TAFA4: variants seen among roughly 807,000 people sequenced by gnomAD.
TAFA4 encodes the protein chemokine-like protein TAFA-4.
A neutral mutation model predicts 21.1 loss-of-function variants in TAFA4; 20 were observed. The ratio of observed to expected loss-of-function variants is 0.95; its 90% CI spans 0.67 to 1.38. The LOEUF is 1.38. Ranked by LOEUF, TAFA4 falls within the 40% of genes most tolerant of loss-of-function variation. The pLI, the probability that TAFA4 is intolerant of heterozygous loss-of-function variation, is 0.00. For missense variants in TAFA4, 211 were observed against 180.9 expected (o/e 1.17, Z -0.95); for synonymous variants, 71 against 67.4 (o/e 1.05, Z -0.26).
At chr3:68,749,253 G>A (rs1433424390) in intron 4 of TAFA4, among the ~76,000 whole-genome samples, 2 of 152,142 alleles carry the variant, frequency 1.3e-5, no homozygotes, top group East Asian at 3.8e-4. Context: ...TTATAGAAAA[G>A]CAATGAAAAC....
chr3:68,773,806 G>A (rs745345256), intron 3 of TAFA4, among the ~76,000 whole-genome samples: 3 of 152,140 alleles, frequency 2.0e-5, no homozygotes, highest in Admixed American at 6.5e-5. Context: ...TGAAGATTAA[G>A]AGCAGAGGCA....
At chr3:68,820,460 G>C (rs959958856) in intron 3 of TAFA4, among the ~76,000 whole-genome samples, 1 of 152,034 alleles carries the variant, frequency 6.6e-6, no homozygotes, top group African/African-American at 2.4e-5. Context: ...AGGGGAATTT[G>C]AGACCAGGAG....
At chr3:68,852,636 T>C (rs1243239031) in intron 3 of TAFA4, among the ~76,000 whole-genome samples, 1 of 152,162 alleles carries the variant, frequency 6.6e-6, no homozygotes, top group African/African-American at 2.4e-5. Flanking sequence ...ATTAAAACTT[T>C]TGAGTTGAAT....
chr3:68,810,314 G>A lies in TAFA4; in HGVS notation c.131-57296C>T, dbSNP rs995235207. On this transcript the variant is annotated intron_variant, in intron 3 of 5. Transcript: ENST00000295569. Reference sequence around the variant, plus strand: ...TGGGTTCATCTCACTGGGGAGTGTCGGACAGTGGGTGCAAGACAGTGGATG... The same window carrying A: ...TGGGTTCATCTCACTGGGGAGTGTCAGACAGTGGGTGCAAGACAGTGGATG... Among the ~76,000 whole-genome samples the A allele has an allele frequency of 1.2e-4, 18 of 152,162 alleles. No homozygotes were observed. The Middle Eastern group carries it at 0.014, about 115-fold the overall frequency.
intron 1 of TAFA4, among the ~76,000 whole-genome samples, chr3:68,912,097 T>C (rs1575669997): frequency 6.6e-6 from 1 of 152,126 alleles, no homozygotes; most frequent in South Asian, 2.1e-4. Flanking sequence ...ACCCCGCAAC[T>C]CACTGGGAGA....
intron 5 of TAFA4, among the ~76,000 whole-genome samples, 163 bp downstream of exon 5, chr3:68,738,912 C>T (rs1243068180): frequency 6.6e-6 from 1 of 152,156 alleles, no homozygotes; most frequent in Admixed American, 6.5e-5. Flanking sequence ...CAGAATGATG[C>T]CGGGAAATGC....
chr3:68,908,038 G>T (rs1431113097), intron 1 of TAFA4, among the ~76,000 whole-genome samples: 1 of 152,168 alleles, frequency 6.6e-6, no homozygotes, highest in Non-Finnish European at 1.5e-5. Flanking sequence ...GTGATCAAGA[G>T]ATTACTATGG....
At chr3:68,824,195 G>A (rs536112330) in intron 3 of TAFA4, among the ~76,000 whole-genome samples, 18 of 152,216 alleles carry the variant, frequency 1.2e-4, no homozygotes, top group Admixed American at 2.6e-4. Context: ...TTCTATTACT[G>A]CTATAACAAG....
In TAFA4 at chr3:68,861,006, A is replaced by G. The variant is rs564012636; in HGVS notation, c.130+19724T>C. On this transcript the variant is annotated intron_variant, in intron 3 of 5. Transcript: ENST00000295569. ...TGGTCACTGTGGTCAGCCATCTGTT[A>G]GCATTTTGTGATGTTAAATATGCAC... Among the ~76,000 whole-genome samples, 39 of 149,894 alleles carry G rather than the reference A, an allele frequency of 2.6e-4. No individual in the cohort carries two copies. In the East Asian group the frequency reaches 3.8e-3, roughly 14 times the overall value.
intron 3 of TAFA4, among the ~76,000 whole-genome samples, chr3:68,870,677 A>G (rs1020703761): frequency 1.6e-4 from 25 of 152,158 alleles, no homozygotes; most frequent in Admixed American, 1.3e-3. Flanking sequence ...CTATCAGCCA[A>G]CCGTCTAGGT....
At position 68,872,191 on chromosome 3, in the gene TAFA4, C is replaced by CAT. The variant is rs148716901; in HGVS notation, c.130+8537_130+8538dup. Among the ~76,000 whole-genome samples the CAT allele has an allele frequency of 6.3e-3, 943 of 150,826 alleles. 19 individuals carry two copies. The East Asian group carries it at 0.063, about 10-fold the overall frequency. ...ATGAATGGATAAAGCAAATGTGGTACATATATATATATAATGGAATATTAT... is the reference window on the plus strand; with the variant it reads ...ATGAATGGATAAAGCAAATGTGGTACATATATATATATATAATGGAATATTAT... On this transcript the variant is annotated intron_variant, in intron 3 of 5. Coordinates refer to ENST00000295569, the MANE Select transcript of TAFA4 (RefSeq NM_182522.5).
intron 5 of TAFA4, among the ~76,000 whole-genome samples, chr3:68,737,816 C>T (rs1287311969): frequency 2.0e-5 from 3 of 152,164 alleles, no homozygotes; most frequent in Non-Finnish European, 4.4e-5. Flanking sequence ...AGGCAAGAAG[C>T]CATTCACTGT....
chr3:68,814,171 A>G (rs559494923), intron 3 of TAFA4, among the ~76,000 whole-genome samples: 1 of 152,306 alleles, frequency 6.6e-6, no homozygotes, highest in Admixed American at 6.5e-5. Context: ...GTATCTCAAA[A>G]TAATAACAGC....
At chr3:68,819,216 G>C (rs1704057771) in intron 3 of TAFA4, among the ~76,000 whole-genome samples, 1 of 147,710 alleles carries the variant, frequency 6.8e-6, no homozygotes. Flanking sequence ...GTTGCAGTGA[G>C]CTGAAATTGC....
At chr3:68,753,160 ATAT>A in intron 3 of TAFA4, 142 bp from the exon 4 acceptor site, 1 of 766,296 alleles carries the variant, frequency 1.3e-6, no homozygotes, top group Non-Finnish European at 2.0e-6. Context: ...TTTTGATAAC[ATAT>A]TATTTCAAAT....
At chr3:68,871,038 T>C (rs1484740951) in intron 3 of TAFA4, among the ~76,000 whole-genome samples, 1 of 152,110 alleles carries the variant, frequency 6.6e-6, no homozygotes, top group East Asian at 1.9e-4. Flanking sequence ...ATGGCGATCA[T>C]TAAAAAGTCA....
At chr3:68,800,174 C>T (rs1436800635) in intron 3 of TAFA4, among the ~76,000 whole-genome samples, 1 of 152,076 alleles carries the variant, frequency 6.6e-6, no homozygotes, top group Admixed American at 6.6e-5. Flanking sequence ...ATGTAATGCA[C>T]TTGAATTATC....
intron 4 of TAFA4, among the ~76,000 whole-genome samples, chr3:68,745,744 T>C (rs1406807299): frequency 6.6e-6 from 1 of 152,252 alleles, no homozygotes; most frequent in African/African-American, 2.4e-5. Flanking sequence ...TATGTATTCA[T>C]ACAGTTACTT....
intron 1 of TAFA4, among the ~76,000 whole-genome samples, chr3:68,924,279 C>T (rs192402001): frequency 1.3e-5 from 2 of 152,340 alleles, no homozygotes; most frequent in East Asian, 1.9e-4. Context: ...GTGGGCTATA[C>T]ATGCAATGGA....
Sources: gnomAD v4.1 joint callset for allele counts (sites outside exome capture counted in the v4.1 genomes callset) on GRCh38, gnomAD v4.1.1 for gene constraint, MANE v1.5 for transcripts, NCBI Gene and HGNC (gene_info 2026-07-23, HGNC 2026-07-21) for gene names.